Variants in SORBS2 observed in about 807,000 individuals in gnomAD.
SORBS2 encodes sorbin and SH3 domain-containing protein 2.
A neutral mutation model predicts 97.7 loss-of-function variants in SORBS2; 46 were observed. The observed-to-expected ratio is 0.47, with a 90% confidence interval of 0.37 to 0.60. The LOEUF is 0.60. Among genes scored for constraint, SORBS2 ranks in the 20% least tolerant of loss-of-function variants. SORBS2 has a pLI of 0.00. For missense variants in SORBS2, 1,316 were observed against 1,282.3 expected (o/e 1.03, Z -0.40); for synonymous variants, 476 against 473.4 (o/e 1.01, Z -0.07).
At chr4:185,671,547 G>A (rs2097712207) in intron 4 of SORBS2, among the ~76,000 whole-genome samples, 1 of 152,170 alleles carries the variant, frequency 6.6e-6, no homozygotes, top group Non-Finnish European at 1.5e-5. Context: ...GCAATGTAAA[G>A]TGCTTAGCAC....
rs547218092 is a variant in SORBS2, at chr4:185,858,087, C to T, written c.-337-82721G>A. ...TCGCTGGTTTTGCAGCTCGAGGTCT[C>T]CATCACGGTCCTATCAATATGCGAT... On this transcript the variant is annotated intron_variant, in intron 1 of 20. Coordinates refer to the SORBS2 transcript ENST00000284776. Among the ~76,000 whole-genome samples, 93 of 152,302 alleles carry T rather than the reference C, an allele frequency of 6.1e-4. 1 individual carries two copies. The South Asian group carries it at 0.012, about 19-fold the overall frequency.
At chr4:185,870,608 C>A (rs886275568) in intron 1 of SORBS2, among the ~76,000 whole-genome samples, 2 of 152,362 alleles carry the variant, frequency 1.3e-5, no homozygotes, top group East Asian at 3.9e-4. Flanking sequence ...ATGCTGCGCT[C>A]GTTCCTCAGG....
chr4:185,629,565 T>TG (rs2096872870), intron 5 of SORBS2, among the ~76,000 whole-genome samples: 2 of 111,726 alleles, frequency 1.8e-5, no homozygotes, highest in African/African-American at 1.6e-4. Context: ...TTGTGATTTG[T>TG]TTTTTTTTTT....
chr4:185,947,590 T>C (rs1197519501), intron 1 of SORBS2, among the ~76,000 whole-genome samples: 1 of 146,782 alleles, frequency 6.8e-6, no homozygotes. Context: ...CAATAGGGAT[T>C]ACAAAATCTC....
chr4:185,686,093 CAAATT>C (rs1395931668), intron 2 of SORBS2, among the ~76,000 whole-genome samples: 52 of 151,662 alleles, frequency 3.4e-4, no homozygotes, highest in Non-Finnish European at 1.0e-4. Flanking sequence ...TGAGTAAAAC[CAAATT>C]AAATTAAATC....
At chr4:185,849,802 C>T (rs562510183) in intron 1 of SORBS2, among the ~76,000 whole-genome samples, 12 of 152,200 alleles carry the variant, frequency 7.9e-5, no homozygotes, top group Admixed American at 1.3e-4. Context: ...GACTGAGAGA[C>T]GACAGACAGG....
upstream of SORBS2, among the ~76,000 whole-genome samples, chr4:185,659,504 C>T (rs2097477141): frequency 6.6e-6 from 1 of 151,964 alleles, no homozygotes; most frequent in Non-Finnish European, 1.5e-5. Flanking sequence ...GCAAGCTCCA[C>T]CTCCTGGGTT....
At chr4:185,752,132 T>C (rs1230041473) in intron 2 of SORBS2, among the ~76,000 whole-genome samples, 1 of 152,178 alleles carries the variant, frequency 6.6e-6, no homozygotes, top group Non-Finnish European at 1.5e-5. Flanking sequence ...AACAGAAAAG[T>C]ATCTTAAAAA....
chr4:185,819,805 C>T (rs2099195601), intron 1 of SORBS2, among the ~76,000 whole-genome samples: 1 of 152,298 alleles, frequency 6.6e-6, no homozygotes, highest in Non-Finnish European at 1.5e-5. Context: ...AAAGCATTGC[C>T]ATCTCTCCTT....
intron 1 of SORBS2, among the ~76,000 whole-genome samples, chr4:185,879,161 T>TCC (rs1176185960): frequency 2.7e-4 from 21 of 77,330 alleles, no homozygotes; most frequent in African/African-American, 1.4e-3. Flanking sequence ...CCTAATGCTA[T>TCC]CCCTCCCCCC....
Position 185,594,424 on chromosome 4 carries a change from A to G in SORBS2, c.2797-489T>C, listed in dbSNP as rs538643259. The stretch of plus-strand genomic sequence containing the variant: ...TTTCACATACAGCACAGAGGAAAAT[A>G]TCAATAGGCAGACATCCCATGCTAC... On this transcript the variant is annotated intron_variant, in intron 12 of 14. Coordinates refer to ENST00000418609, the Ensembl canonical transcript of SORBS2. Among the ~76,000 whole-genome samples the G allele has an allele frequency of 3.3e-5, 5 of 152,354 alleles. No individual in the cohort carries two copies. The East Asian group carries it at 9.6e-4, about 29-fold the overall frequency.
At chr4:185,683,034 A>AC (rs1226255464) in intron 2 of SORBS2, among the ~76,000 whole-genome samples, 4 of 150,196 alleles carry the variant, frequency 2.7e-5, no homozygotes, top group African/African-American at 7.4e-5. Flanking sequence ...AAAAAAGAAA[A>AC]GAAAAGAAAA....
At chr4:185,690,927 T>C (rs1475673571) in intron 2 of SORBS2, among the ~76,000 whole-genome samples, 2 of 150,606 alleles carry the variant, frequency 1.3e-5, no homozygotes, top group East Asian at 3.9e-4. Flanking sequence ...TGAGACAGAG[T>C]CCGCCACTGT....
At chr4:185,680,320 A>C (rs2097851737) in intron 2 of SORBS2, among the ~76,000 whole-genome samples, 1 of 152,058 alleles carries the variant, frequency 6.6e-6, no homozygotes, top group South Asian at 2.1e-4. Context: ...TTCTTCTAGG[A>C]TTTGATGGAA....
intron 4 of SORBS2, among the ~76,000 whole-genome samples, chr4:185,637,762 CAA>C (rs2097045362): frequency 6.6e-6 from 1 of 152,056 alleles, no homozygotes; most frequent in Non-Finnish European, 1.5e-5. Context: ...AGACTGTAAA[CAA>C]ATACAAATCT....
At chr4:185,922,392 A>C (rs959286131) in intron 1 of SORBS2, among the ~76,000 whole-genome samples, 2 of 152,120 alleles carry the variant, frequency 1.3e-5, no homozygotes, top group African/African-American at 4.8e-5. Flanking sequence ...TTTGGCACTG[A>C]GCAAGTCTCT....
exon 1 of SORBS2, chr4:185,656,765 C>A: frequency 1.3e-6 from 2 of 1,515,408 alleles, no homozygotes; most frequent in African/African-American, 1.4e-5. Flanking sequence ...CCGGAAGGGG[C>A]TGCCCAGATA....
intron 4 of SORBS2, among the ~76,000 whole-genome samples, chr4:185,674,651 C>T (rs769345529): frequency 6.6e-6 from 1 of 152,174 alleles, no homozygotes; most frequent in Non-Finnish European, 1.5e-5. Context: ...GTCATCTGGT[C>T]TTTGTTACCT....
In SORBS2 at chr4:185,587,459, G is replaced by A. The variant is rs531586264; in HGVS notation, c.*168C>T. 36 of 629,574 alleles carry A rather than the reference G, an allele frequency of 5.7e-5. No individual in the cohort carries two copies. The South Asian group carries it at 5.8e-4, about 10-fold the overall frequency. The allele number at this position is 629,574 out of a possible 1,614,324, so 39.0% of individuals were successfully genotyped here. ...GACCAGCCTGCCATGTCGTCCCCAGGCTCACAGCAGCGGCGGCTACTCTGC... is the reference window on the plus strand; with the variant it reads ...GACCAGCCTGCCATGTCGTCCCCAGACTCACAGCAGCGGCGGCTACTCTGC... On this transcript the variant is annotated 3_prime_UTR_variant, in exon 15 of 15. Coordinates refer to ENST00000418609, the Ensembl canonical transcript of SORBS2.
Sources: allele counts gnomAD v4.1 joint callset (sites outside exome capture counted in the v4.1 genomes callset), GRCh38; gene constraint gnomAD v4.1.1; transcripts MANE v1.5; gene names NCBI Gene and HGNC (gene_info 2026-07-23, HGNC 2026-07-21).